Variants in TMEM39A observed in about 807,000 individuals in gnomAD.
TMEM39A encodes the protein transmembrane protein 39A.
Under a neutral mutation model 51.9 loss-of-function variants are expected in TMEM39A, and 19 were observed. The ratio of observed to expected loss-of-function variants is 0.37; its 90% CI spans 0.26 to 0.54. The LOEUF is 0.54. TMEM39A is among the 20% of genes least tolerant of loss of function. TMEM39A has a pLI of 0.88. For missense variants in TMEM39A, 433 were observed against 590.5 expected (o/e 0.73, Z 2.76); for synonymous variants, 197 against 220.2 (o/e 0.89, Z 0.93).
intron 4 of TMEM39A, among the ~76,000 whole-genome samples, chr3:119,450,564 G>A (rs181936294): frequency 6.1e-4 from 93 of 152,178 alleles, no homozygotes; most frequent in Admixed American, 2.2e-3. Context: ...GATCACACCC[G>A]TAATCCCAGC....
intron 2 of TMEM39A, among the ~76,000 whole-genome samples, chr3:119,461,320 T>A (rs899235503): frequency 6.6e-6 from 1 of 152,124 alleles, no homozygotes; most frequent in Non-Finnish European, 1.5e-5. Flanking sequence ...AGGTCAGGCC[T>A]AGAAAACAAA....
chr3:119,446,822 G>T (rs2081131735), intron 5 of TMEM39A, 196 bp downstream of exon 5: 1 of 612,560 alleles, frequency 1.6e-6, no homozygotes, highest in Non-Finnish European at 2.8e-6. Flanking sequence ...GACAGTCCTG[G>T]TTTATGCCTG....
At chr3:119,435,694 T>C in intron 7 of TMEM39A, 1 of 926,232 alleles carries the variant, frequency 1.1e-6, no homozygotes, top group Non-Finnish European at 1.3e-6. Flanking sequence ...AAAAAAAAAA[T>C]TCTAGCACCC....
intron 7 of TMEM39A, chr3:119,436,544 G>A (rs1441202374): frequency 8.3e-6 from 3 of 362,622 alleles, no homozygotes; most frequent in Non-Finnish European, 1.5e-5. Flanking sequence ...CATTGCTTGG[G>A]AGACAAATTA....
chr3:119,442,219 T>G (rs182276920), intron 5 of TMEM39A, among the ~76,000 whole-genome samples: 2 of 152,118 alleles, frequency 1.3e-5, no homozygotes, highest in Non-Finnish European at 2.9e-5. Context: ...GGCATGCACC[T>G]GTAGTCCCAG....
intron 3 of TMEM39A, among the ~76,000 whole-genome samples, chr3:119,455,684 CAAG>C (rs1324280015): frequency 6.6e-6 from 1 of 152,180 alleles, no homozygotes; most frequent in East Asian, 1.9e-4. Context: ...CTGATTATGA[CAAG>C]AACACTGGCT....
At chr3:119,435,680 A>C in intron 7 of TMEM39A, 1 of 979,058 alleles carries the variant, frequency 1.0e-6, no homozygotes. Flanking sequence ...TGTTATTAAA[A>C]AAAAAAAAAA....
chr3:119,435,385 C>T (rs1375713508), intron 7 of TMEM39A: 1 of 985,044 alleles, frequency 1.0e-6, no homozygotes, highest in East Asian at 1.1e-4. Context: ...ATTCAAATAC[C>T]TCACAACTGT....
chr3:119,453,224 C>T (rs2081222105), intron 3 of TMEM39A, among the ~76,000 whole-genome samples: 1 of 152,138 alleles, frequency 6.6e-6, no homozygotes, highest in Non-Finnish European at 1.5e-5. Context: ...TGTAGGTTTC[C>T]ACAATTCCTT....
intron 5 of TMEM39A, among the ~76,000 whole-genome samples, chr3:119,441,604 T>C (rs755758557): frequency 3.3e-5 from 5 of 152,178 alleles, no homozygotes; most frequent in Non-Finnish European, 5.9e-5. Context: ...AGCTGTCCCA[T>C]AACATAAAAG....
At chr3:119,443,427 A>C (rs1223398724) in intron 5 of TMEM39A, among the ~76,000 whole-genome samples, 1 of 152,202 alleles carries the variant, frequency 6.6e-6, no homozygotes, top group South Asian at 2.1e-4. Flanking sequence ...AGAAAGTGAC[A>C]AAGCCATCCC....
At chr3:119,452,596 A>G in intron 3 of TMEM39A, 66 bp from the exon 4 acceptor site, 2 of 1,267,350 alleles carry the variant, frequency 1.6e-6, no homozygotes, top group South Asian at 1.3e-5. Context: ...CACTACTACA[A>G]GAATAGAGGT....
Position 119,462,071 on chromosome 3 carries a change from G to C in TMEM39A, c.4C>G (p.Pro2Ala), listed in dbSNP as rs1381005793. 1.2e-6 allele frequency: 2 copies of C among 1,613,720 alleles called. No individual in the cohort carries two copies. The highest frequency in any genetic ancestry group is 1.7e-6 in the Non-Finnish European group (2 of 1,179,826). Residue 2 changes from proline (P) to alanine (A), a missense_variant, in exon 2 of 9, where the codon CCC (proline) becomes GCC (alanine). Physicochemically the swap from Pro to Ala is conservative, Grantham distance 27. Coordinates refer to ENST00000319172, the MANE Select transcript of TMEM39A (RefSeq NM_018266.3). M[P>A]GGRRGPSRQQ... is the part of the protein sequence containing the mutation. Reference sequence around the variant, plus strand: ...CGACTAGGGCCCCTCCTTCCACCGGGCATGTCCAGGAACCAGTCTGCTTCC... The same window carrying C: ...CGACTAGGGCCCCTCCTTCCACCGGCCATGTCCAGGAACCAGTCTGCTTCC...
chr3:119,439,741 A>G (rs2081025214), intron 5 of TMEM39A, among the ~76,000 whole-genome samples: 1 of 152,036 alleles, frequency 6.6e-6, no homozygotes. Flanking sequence ...TGGGAGGACA[A>G]GAGTGGGTAG....
chr3:119,438,206 G>T, intron 5 of TMEM39A, 103 bp from the exon 6 acceptor site: 1 of 818,720 alleles, frequency 1.2e-6, no homozygotes, highest in Middle Eastern at 3.5e-4. Flanking sequence ...AAATAGTCAG[G>T]ACCCGCAGGA....
At chr3:119,436,626 T>C in intron 7 of TMEM39A, 165 bp downstream of exon 7, 1 of 702,030 alleles carries the variant, frequency 1.4e-6, no homozygotes, top group South Asian at 1.9e-5. Flanking sequence ...TGGAAATGAG[T>C]TAATGTCCCT....
chr3:119,442,342 C>CA (rs34133941), intron 5 of TMEM39A, among the ~76,000 whole-genome samples: 21,898 of 101,460 alleles, frequency 0.22, 1,811 homozygotes, highest in African/African-American at 0.24. Flanking sequence ...GACTCCATCT[C>CA]AAAAAAAAAA....
chr3:119,456,180 T>C (rs931574634), intron 3 of TMEM39A, among the ~76,000 whole-genome samples: 3 of 152,198 alleles, frequency 2.0e-5, no homozygotes, highest in African/African-American at 7.2e-5. Context: ...TATATAGCTG[T>C]AAAAGGCCTT....
intron 5 of TMEM39A, among the ~76,000 whole-genome samples, chr3:119,440,633 T>C (rs1177714580): frequency 3.3e-5 from 5 of 152,214 alleles, no homozygotes; most frequent in African/African-American, 9.6e-5. Context: ...GGCCTCTTTC[T>C]TAGTTTAACC....
Sources: gnomAD v4.1 joint callset for allele counts (sites outside exome capture counted in the v4.1 genomes callset) on GRCh38, gnomAD v4.1.1 for gene constraint, MANE v1.5 for transcripts, NCBI Gene and HGNC (gene_info 2026-07-23, HGNC 2026-07-21) for gene names.